Variants in SLC33A2 observed in about 807,000 individuals in gnomAD.
SLC33A2 encodes the protein solute carrier family 33 member 2.
the SLC33A2 span, chr8:144,509,639 G>A: frequency 6.5e-7 from 1 of 1,544,832 alleles, no homozygotes; most frequent in Non-Finnish European, 8.7e-7. Flanking sequence ...CCGCTGTGGC[G>A]GGGTTGCTGC....
At chr8:144,509,618 C>G in the SLC33A2 span, 1 of 1,557,816 alleles carries the variant, frequency 6.4e-7, no homozygotes, top group Admixed American at 1.9e-5. Context: ...CTGGCCAGGC[C>G]GGGCTGCCCG....
chr8:144,510,283 T>G, the SLC33A2 span: 1 of 1,583,956 alleles, frequency 6.3e-7, no homozygotes, highest in East Asian at 2.2e-5. Context: ...AGGGCAGGAC[T>G]GAGGGCCCAG....
At chr8:144,510,211 C>A in the SLC33A2 span, 1 of 1,339,014 alleles carries the variant, frequency 7.5e-7, no homozygotes, top group South Asian at 1.4e-5. Flanking sequence ...CATCCCTGAG[C>A]GCTCTCTCGG....
At chr8:144,510,034 C>T in the SLC33A2 span, 2 of 1,583,740 alleles carry the variant, frequency 1.3e-6, no homozygotes, top group African/African-American at 1.3e-5. Context: ...GGCCTCGAGC[C>T]AGGCAACAGC....
chr8:144,509,086 G>A, the SLC33A2 span: 1 of 432,776 alleles, frequency 2.3e-6, no homozygotes, highest in Non-Finnish European at 4.1e-6. Context: ...CATGCCGGGA[G>A]CCGCCGGCCG....
the SLC33A2 span, chr8:144,509,744 C>G: frequency 1.9e-6 from 3 of 1,567,250 alleles, no homozygotes; most frequent in Non-Finnish European, 2.6e-6. Flanking sequence ...CGGGCAATAC[C>G]GTGCAGGTGG....
At chr8:144,510,436 G>T in the SLC33A2 span, 3 of 1,612,912 alleles carry the variant, frequency 1.9e-6, no homozygotes, top group South Asian at 3.3e-5. Flanking sequence ...TGGGACTGTG[G>T]AATGGTGTGG....
chr8:144,510,553 T>G, the SLC33A2 span: 1 of 1,611,002 alleles, frequency 6.2e-7, no homozygotes, highest in East Asian at 2.2e-5. Context: ...GTACCTGAGC[T>G]GCCCCCAATC....
At chr8:144,509,695 C>T in the SLC33A2 span, 2 of 1,563,428 alleles carry the variant, frequency 1.3e-6, no homozygotes, top group African/African-American at 1.4e-5. Context: ...GCCCTGGACG[C>T]GCTGGCTGTG....
chr8:144,509,745 G>A, the SLC33A2 span: 15 of 1,566,654 alleles, frequency 9.6e-6, no homozygotes, highest in South Asian at 2.3e-5. Context: ...GGGCAATACC[G>A]TGCAGGTGGT....
At chr8:144,510,533 C>T in the SLC33A2 span, 37 of 1,612,084 alleles carry the variant, frequency 2.3e-5, no homozygotes, top group African/African-American at 5.3e-5. Context: ...TGTACCCTGC[C>T]CACCCACTTG....
chr8:144,511,029 G>A, the SLC33A2 span: 2 of 1,603,814 alleles, frequency 1.2e-6, no homozygotes, highest in African/African-American at 2.7e-5. Context: ...TGGAGCTGCT[G>A]GGGAAGCTGC....
chr8:144,509,456 G>T, the SLC33A2 span: 9 of 1,535,156 alleles, frequency 5.9e-6, no homozygotes, highest in Non-Finnish European at 7.0e-6. Context: ...CGCGCGTGGG[G>T]CTGGCCAAGG....
At chr8:144,509,871 C>G in the SLC33A2 span, 1 of 1,541,188 alleles carries the variant, frequency 6.5e-7, no homozygotes, top group Non-Finnish European at 8.7e-7. Context: ...GGCCGCGGCC[C>G]TGGCCTGGGC....
the SLC33A2 span, chr8:144,510,751 A>G: frequency 6.2e-7 from 1 of 1,604,548 alleles, no homozygotes; most frequent in Non-Finnish European, 8.5e-7. Context: ...GGAGGAAGAG[A>G]GGGGCCAGGA....
chr8:144,511,187 T>A, the SLC33A2 span: 1 of 1,602,214 alleles, frequency 6.2e-7, no homozygotes, highest in South Asian at 1.1e-5. Context: ...GAGTGGTCAA[T>A]AAAGCCACAT....
the SLC33A2 span, chr8:144,509,120 C>G: frequency 2.1e-6 from 1 of 480,296 alleles, no homozygotes; most frequent in Non-Finnish European, 3.5e-6. Context: ...CGCTCGCCCC[C>G]GTTTGGACCC....
chr8:144,510,329 T>G, the SLC33A2 span: 1 of 1,609,084 alleles, frequency 6.2e-7, no homozygotes, highest in South Asian at 1.1e-5. Context: ...ATATGGAACC[T>G]CCCGTGCTCA....
the SLC33A2 span, chr8:144,510,256 G>A: frequency 2.6e-6 from 4 of 1,527,594 alleles, no homozygotes; most frequent in Middle Eastern, 2.4e-4. Flanking sequence ...CTGCAGCTCT[G>A]GAACACTGAG....
Sources: allele counts gnomAD v4.1 joint callset, GRCh38; gene constraint gnomAD v4.1.1; transcripts MANE v1.5; gene names NCBI Gene and HGNC (gene_info 2026-07-23, HGNC 2026-07-21).